The following FRMD5 variants were observed in gnomAD, a reference collection of about 807,000 sequenced individuals.
The protein encoded by FRMD5 is FERM domain-containing protein 5.
Under a neutral mutation model 69.0 loss-of-function variants are expected in FRMD5, and 20 were observed. The ratio of observed to expected loss-of-function variants is 0.29; its 90% confidence interval spans 0.20 to 0.42. FRMD5 has a LOEUF of 0.42. FRMD5 is among the 10% of genes least tolerant of loss of function. The pLI is 1.00. For synonymous variants in FRMD5, 271 were observed against 260.1 expected, an observed-to-expected ratio of 1.04 and a Z score of -0.40; for missense variants, 595 against 708.6, an observed-to-expected ratio of 0.84 and a Z score of 1.82.
At chr15:43,877,110 G>A (rs930942703) in intron 13 of FRMD5, among the ~76,000 whole-genome samples, 4 of 152,128 alleles carry the variant, frequency 2.6e-5, no homozygotes, top group African/African-American at 9.7e-5. Context: ...TCTTGTTTTA[G>A]GCTCAATGTC....
chr15:44,112,557 C>T (rs1382459263), intron 1 of FRMD5, among the ~76,000 whole-genome samples: 1 of 151,832 alleles, frequency 6.6e-6, no homozygotes, highest in East Asian at 1.9e-4. Context: ...AGCTCCACCT[C>T]CCGGGTTCAT....
intron 1 of FRMD5, among the ~76,000 whole-genome samples, chr15:44,052,324 C>T (rs547700130): frequency 4.3e-4 from 66 of 152,264 alleles, no homozygotes; most frequent in African/African-American, 1.4e-3. Flanking sequence ...CTTTAACATA[C>T]GCAACCATTG....
At chr15:43,967,743 T>G (rs2140564995) in intron 1 of FRMD5, among the ~76,000 whole-genome samples, 1 of 152,110 alleles carries the variant, frequency 6.6e-6, no homozygotes, top group East Asian at 1.9e-4. Context: ...TTGGTCTGAG[T>G]AATATCTTTA....
intron 1 of FRMD5, among the ~76,000 whole-genome samples, chr15:44,059,657 G>A (rs561400141): frequency 2.0e-5 from 3 of 151,790 alleles, no homozygotes; most frequent in Admixed American, 6.6e-5. Flanking sequence ...GACTACAGCC[G>A]CACACCACCA....
At chr15:43,878,714 A>C (rs1329574518) in intron 13 of FRMD5, among the ~76,000 whole-genome samples, 1 of 152,112 alleles carries the variant, frequency 6.6e-6, no homozygotes, top group Non-Finnish European at 1.5e-5. Flanking sequence ...CTGCCCCTTC[A>C]TGAAGACAGC....
At chr15:43,888,754 C>T in intron 9 of FRMD5, 55 bp downstream of exon 9, 2 of 1,493,268 alleles carry the variant, frequency 1.3e-6, no homozygotes, top group Non-Finnish European at 1.9e-6. Flanking sequence ...CTCTGGCCAC[C>T]AGGAAGCATC....
intron 1 of FRMD5, among the ~76,000 whole-genome samples, chr15:44,082,953 A>G (rs961241653): frequency 7.2e-5 from 11 of 151,974 alleles, no homozygotes; most frequent in African/African-American, 2.7e-4. Flanking sequence ...GACTCCAACA[A>G]TGGTACCAAA....
chr15:43,881,670 A>C (rs573454190), intron 13 of FRMD5, among the ~76,000 whole-genome samples: 2 of 152,196 alleles, frequency 1.3e-5, no homozygotes, highest in African/African-American at 2.4e-5. Flanking sequence ...ACTTCCGCAC[A>C]TATTAGCTTC....
At position 43,909,891 on chromosome 15, in the gene FRMD5, T is replaced by G; in HGVS notation, c.418A>C (p.Ile140Leu). ...TGTCAAAAGTCATTACCTTGAAGGA[T>G]GTAAGCTGCTAACAAGGCAGCATCC... ...TSDAALLAAY[I>L]LQAEIGDYDS... is the part of the protein sequence containing the mutation. The change falls in exon 5 of 14, where the codon ATC becomes CTC. Residue 140 changes from isoleucine to leucine, a missense_variant. This residue lies in a region of FRMD5 where 79 missense variants were observed against 139.9 expected (regional missense o/e 0.56). Coordinates refer to ENST00000417257, the MANE Select transcript of FRMD5 (RefSeq NM_032892.5). 6.2e-7 allele frequency: 1 copy of G among 1,607,840 alleles called. No individual in the cohort carries two copies. Among genetic ancestry groups the G allele is most frequent in the Non-Finnish European group, 8.5e-7 (1 of 1,174,540 alleles).
chr15:44,133,491 G>A (rs564356508), intron 1 of FRMD5, among the ~76,000 whole-genome samples: 50 of 146,712 alleles, frequency 3.4e-4, no homozygotes, highest in African/African-American at 1.3e-3. Context: ...CAGGAGAATG[G>A]CATGAACCTG....
chr15:44,149,018 G>A (rs2077402771), intron 1 of FRMD5, among the ~76,000 whole-genome samples: 1 of 152,052 alleles, frequency 6.6e-6, no homozygotes, highest in Non-Finnish European at 1.5e-5. Context: ...TTTGGTTTGT[G>A]ACTCCACATT....
intron 6 of FRMD5, among the ~76,000 whole-genome samples, chr15:43,904,248 T>G (rs567389556): frequency 6.6e-6 from 1 of 152,358 alleles, no homozygotes; most frequent in East Asian, 1.9e-4. Flanking sequence ...GTATTAGCAT[T>G]AGAAATATCC....
At chr15:43,966,063 A>T (rs1486689788) in intron 1 of FRMD5, among the ~76,000 whole-genome samples, 4 of 151,992 alleles carry the variant, frequency 2.6e-5, no homozygotes, top group Non-Finnish European at 5.9e-5. Context: ...AAAAGTCACA[A>T]TTCTTGCCTT....
At chr15:44,119,536 A>G (rs947162267) in intron 1 of FRMD5, among the ~76,000 whole-genome samples, 16 of 152,166 alleles carry the variant, frequency 1.1e-4, no homozygotes, top group Admixed American at 5.9e-4. Flanking sequence ...CTTTTGGAAT[A>G]AAATATCCCT....
intron 7 of FRMD5, among the ~76,000 whole-genome samples, chr15:43,892,441 T>A (rs148361235): frequency 2.6e-5 from 4 of 152,344 alleles, no homozygotes; most frequent in African/African-American, 9.6e-5. Context: ...TTGTTAAAAA[T>A]AGAGTTACCA....
intron 1 of FRMD5, among the ~76,000 whole-genome samples, chr15:44,179,967 A>G (rs1453062599): frequency 6.7e-6 from 1 of 148,954 alleles, no homozygotes; most frequent in African/African-American, 2.5e-5. Flanking sequence ...TGAGGCCAGG[A>G]GTTCAAGGCT....
rs138362461 is a variant in FRMD5, at chr15:44,157,025, G to A, written c.102+37928C>T. Reference sequence around the variant, plus strand: ...GAGGTCAGGGATGAGACAAAGATCAGTTTTTCATACTACATCCTTTCTCTC... The same window carrying A: ...GAGGTCAGGGATGAGACAAAGATCAATTTTTCATACTACATCCTTTCTCTC... On this transcript the variant is annotated intron_variant, in intron 1 of 13. Coordinates refer to ENST00000417257, the MANE Select transcript of FRMD5 (RefSeq NM_032892.5). Among the ~76,000 whole-genome samples the A allele has an allele frequency of 3.9e-3, 599 of 152,218 alleles. 5 individuals are homozygous for A. The highest frequency in any genetic ancestry group is 0.013 in the African/African-American group (560 of 41,544).
intron 1 of FRMD5, among the ~76,000 whole-genome samples, chr15:43,951,949 G>C (rs1334969540): frequency 2.6e-5 from 4 of 151,104 alleles, no homozygotes; most frequent in Non-Finnish European, 5.9e-5. Context: ...TTGGGCCCGA[G>C]TCTGTATGTG....
At position 43,874,052 on chromosome 15, in the gene FRMD5, G is replaced by T; in HGVS notation, c.1546C>A (p.Leu516Ile). ...TCGGTAAGGATGATCAGGAGGAGGAGCAAAACAAAGAGGAGTCCCATGGTC... is the reference window on the plus strand; with the variant it reads ...TCGGTAAGGATGATCAGGAGGAGGATCAAAACAAAGAGGAGTCCCATGGTC... ...LVTMGLLFVL[L>I]LLLIILTESD... Residue 516 changes from leucine (L) to isoleucine (I), a missense_variant, in exon 14 of 14, where the codon CTC becomes ATC. Leu to Ile is a conservative substitution (Grantham distance 5). Coordinates refer to ENST00000417257, the MANE Select transcript of FRMD5 (RefSeq NM_032892.5). The T allele has an allele frequency of 6.2e-7, 1 of 1,614,202 alleles. No homozygotes were observed. Among genetic ancestry groups the T allele is most frequent in the East Asian group, 2.2e-5 (1 of 44,884 alleles).
Sources: gnomAD v4.1 joint callset for allele counts (sites outside exome capture counted in the v4.1 genomes callset) on GRCh38, gnomAD v4.1.1 for gene constraint, gnomAD v4.1.1 regional missense constraint, MANE v1.5 for transcripts, NCBI Gene and HGNC (gene_info 2026-07-23, HGNC 2026-07-21) for gene names.